The following BBS1 variants were observed in gnomAD, a reference collection of about 807,000 sequenced individuals.
BBS1 encodes the protein BBSome complex member BBS1.
BBS1 carries 60 observed loss-of-function variants against 73.9 expected under a neutral mutation model. The observed-to-expected ratio is 0.81, with a 90% confidence interval of 0.66 to 1.01. BBS1 has a LOEUF of 1.01. Among genes scored for constraint, BBS1 ranks in the 50% least tolerant of loss-of-function variants. The pLI is 0.00. For missense variants in BBS1, 718 were observed against 770.3 expected, an observed-to-expected ratio of 0.93 and a Z score of 0.80; for synonymous variants, 283 against 317.4, an observed-to-expected ratio of 0.89 and a Z score of 1.15.
Position 66,521,275 on chromosome 11 carries a change from C to T in BBS1, c.729C>T (p.Ser243=). ...PEAFTILAKM[S]LPSVPVFLEV... is the part of the protein sequence containing the mutation. ...TTTGCGCTTCTTGTTTGCAGATGAG[C>T]CTTCCCAGCGTCCCCGTCTTCCTAG... The change falls in exon 9 of 17, where the codon AGC becomes AGT. Residue 243 remains serine, a synonymous_variant. Transcript: ENST00000318312. 1.9e-6 allele frequency: 3 copies of T among 1,613,898 alleles called. No homozygotes were observed. The highest frequency in any genetic ancestry group is 2.5e-6 in the Non-Finnish European group (3 of 1,179,802).
intron 16 of BBS1, 23 bp downstream of exon 16, chr11:66,531,765 G>A (rs371550398): frequency 5.6e-6 from 9 of 1,613,874 alleles, no homozygotes; most frequent in Admixed American, 3.3e-5. Flanking sequence ...CTTGTACCAC[G>A]TGGAAGGTGA....
chr11:66,519,625 C>T lies in BBS1; in HGVS notation c.600C>T (p.Ile200=), dbSNP rs572209397. The change falls in exon 8 of 17, where the codon ATC becomes ATT. Residue 200 remains isoleucine (I), a synonymous_variant. Transcript: ENST00000318312. ...KSNSIKRQTV[I]TTMTTLKKNL... ...CTGGAGTCCTTCTGTAGACAGTCAT[C>T]ACCACCATGACCACCTTGAAGAAGA... 1 of 1,613,766 alleles carries T rather than the reference C, an allele frequency of 6.2e-7. No individual in the cohort carries two copies. Among genetic ancestry groups the T allele is most frequent in the African/African-American group, 1.3e-5 (1 of 75,004 alleles).
At chr11:66,511,563 G>T (rs2134766560) in intron 3 of BBS1, among the ~76,000 whole-genome samples, 1 of 152,208 alleles carries the variant, frequency 6.6e-6, no homozygotes, top group East Asian at 1.9e-4. Context: ...AAGTAAAAAG[G>T]AGGGAAGTGA....
chr11:66,528,993 A>G, intron 13 of BBS1: 2 of 688,680 alleles, frequency 2.9e-6, no homozygotes, highest in Non-Finnish European at 3.6e-6. Flanking sequence ...AAAAAAAGGA[A>G]GAAAATCAGA....
chr11:66,523,602 C>T (rs1431334035), intron 10 of BBS1, 26 bp downstream of exon 10: 1 of 1,613,784 alleles, frequency 6.2e-7, no homozygotes, highest in African/African-American at 1.3e-5. Context: ...AGCAGCAGCC[C>T]CTCCACGCCT....
chr11:66,514,272 C>T (rs1224301394), intron 3 of BBS1, 134 bp from the exon 4 acceptor site: 2 of 1,209,886 alleles, frequency 1.7e-6, no homozygotes, highest in Non-Finnish European at 2.4e-6. Flanking sequence ...CAAGGTCAGG[C>T]AGCTTGAAAG....
chr11:66,531,665 CT>C lies in BBS1; in HGVS notation c.1619del (p.Leu540ArgfsTer39). The C allele has an allele frequency of 6.2e-7, 1 of 1,614,136 alleles. No individual in the cohort carries two copies. On this transcript the variant is annotated frameshift_variant, in exon 16 of 17. Transcript: ENST00000318312. LOFTEE classifies it high-confidence loss of function. ...TTGTCCCCAAACTTAGGTACCCTTG[CT>C]GGTGCCAGGGCTCAACTACCCCCTG... Reference protein sequence around the residue: ...LPRAFFKVPLLVPGLNYPLET... With the variant: ...LPRAFFKVPLXVPGLNYPLET...
In BBS1 at chr11:66,512,921, G is replaced by T. The variant is rs532437261; in HGVS notation, c.160-1485G>T. 1.2e-4 allele frequency among the ~76,000 whole-genome samples: 18 copies of T among 151,722 alleles called. No individual in the cohort carries two copies. In the South Asian group the frequency reaches 3.5e-3, roughly 30 times the overall value. On this transcript the variant is annotated intron_variant, in intron 3 of 16. Coordinates refer to ENST00000318312, the MANE Select transcript of BBS1 (RefSeq NM_024649.5). ...CAGAAGGCGGAGGTTGCAGTGAGCC[G>T]AAATCACGCCATCGCACTTCAGCCT...
chr11:66,531,439 C>T (rs2134839462), intron 15 of BBS1, among the ~76,000 whole-genome samples: 1 of 152,278 alleles, frequency 6.6e-6, no homozygotes, highest in South Asian at 2.1e-4. Flanking sequence ...CAGCCCCAGA[C>T]TTGGTGGGAG....
chr11:66,520,805 C>T, intron 8 of BBS1: 1 of 249,974 alleles, frequency 4.0e-6, no homozygotes, highest in Admixed American at 5.1e-5. Context: ...ACAATCTCAG[C>T]TTACTGCAAC....
chr11:66,530,863 T>A (rs1308786326), intron 14 of BBS1, 31 bp from the exon 15 acceptor site: 5 of 1,614,078 alleles, frequency 3.1e-6, no homozygotes, highest in Non-Finnish European at 4.2e-6. Context: ...TGCCAGGTCC[T>A]AAGGGCTTTC....
intron 9 of BBS1, 60 bp from the exon 10 acceptor site, chr11:66,523,396 T>C: frequency 6.2e-7 from 1 of 1,613,188 alleles, no homozygotes; most frequent in Non-Finnish European, 8.5e-7. Context: ...CAGAGGAGGG[T>C]CAGCCATAGA....
In BBS1 at chr11:66,514,787, A is replaced by G. The variant is rs1242993909; in HGVS notation, c.432+109A>G. On this transcript the variant is annotated intron_variant, in intron 4 of 16. Transcript: ENST00000318312. Reference sequence around the variant, plus strand: ...GTGGGCTGGTGGCAGGAGGTCAGCTATAGTCCATCTCTGACAGCAGCAGTG... The same window carrying G: ...GTGGGCTGGTGGCAGGAGGTCAGCTGTAGTCCATCTCTGACAGCAGCAGTG... 1.1e-5 allele frequency: 14 copies of G among 1,307,930 alleles called. No homozygotes were observed. The East Asian group carries it at 2.6e-4, about 24-fold the overall frequency. 81.0% of individuals were successfully genotyped at this position (1,307,930 alleles called of 1,614,324 possible). A position where few individuals can be genotyped will look rare whatever the true frequency, so the allele number is the denominator to read the frequency against.
chr11:66,526,668 G>C lies in BBS1; in HGVS notation c.1200G>C (p.Lys400Asn), dbSNP rs761389294. 1 of 1,614,222 alleles carries C rather than the reference G, an allele frequency of 6.2e-7. No individual in the cohort carries two copies. Among genetic ancestry groups the C allele is most frequent in the Non-Finnish European group, 8.5e-7 (1 of 1,180,040 alleles). ...MTTRGGGLII[K>N]ILKRTAVFVE... ...CCCTAGGTGGTGGCCTGATCATCAA[G>C]ATCCTGAAGCGTACAGCAGTGTTTG... is the stretch of plus-strand genomic sequence containing the variant. Residue 400 changes from lysine to asparagine, a missense_variant, in exon 13 of 17, where the codon AAG becomes AAC. Physicochemically the swap from Lys to Asn is moderately conservative, Grantham distance 94. Transcript: ENST00000318312.
At chr11:66,520,650 T>G (rs1400528040) in intron 8 of BBS1, 1 of 162,484 alleles carries the variant, frequency 6.2e-6, no homozygotes, top group Non-Finnish European at 1.4e-5. Context: ...TTATTTACCC[T>G]GTCACCTATT....
chr11:66,529,691 G>A (rs530843984), intron 13 of BBS1, 128 bp from the exon 14 acceptor site: 5 of 1,225,754 alleles, frequency 4.1e-6, no homozygotes, highest in Non-Finnish European at 5.9e-6. Context: ...CCCAGCTCCT[G>A]CAGACTCCTC....
chr11:66,513,724 G>A (rs1296916362), intron 3 of BBS1, among the ~76,000 whole-genome samples: 2 of 152,188 alleles, frequency 1.3e-5, no homozygotes, highest in Non-Finnish European at 2.9e-5. Flanking sequence ...AACGATGCAT[G>A]CAGTTTCTGA....
Position 66,532,345 on chromosome 11 carries a change from A to G in BBS1, c.*308A>G, listed in dbSNP as rs1245209800. 1.2e-5 allele frequency: 5 copies of G among 429,318 alleles called. No individual in the cohort carries two copies. Among genetic ancestry groups the G allele is most frequent in the African/African-American group, 2.0e-5 (1 of 50,230 alleles). 26.6% of individuals were successfully genotyped at this position (429,318 alleles called of 1,614,324 possible). A position where few individuals can be genotyped will look rare whatever the true frequency, so the allele number is the denominator to read the frequency against. ...TCAGATCAGAGCTCCGAAGCGGTCA[A>G]AGTGAGCTGAGCAGGACAGGCCCAG... On this transcript the variant is annotated 3_prime_UTR_variant, in exon 17 of 17. Coordinates refer to ENST00000318312, the MANE Select transcript of BBS1 (RefSeq NM_024649.5).
In BBS1 at chr11:66,531,665, C is replaced by T; in HGVS notation, c.1618C>T (p.Leu540=). Residue 540 remains leucine (L), a synonymous_variant, in exon 16 of 17, where the codon CTG becomes TTG. Coordinates refer to ENST00000318312, the MANE Select transcript of BBS1 (RefSeq NM_024649.5). The part of the protein sequence containing the change: ...LPRAFFKVPL[L]VPGLNYPLET... The stretch of plus-strand genomic sequence containing the variant: ...TTGTCCCCAAACTTAGGTACCCTTG[C>T]TGGTGCCAGGGCTCAACTACCCCCT... 6.2e-7 allele frequency: 1 copy of T among 1,614,136 alleles called. No homozygotes were observed. The highest frequency in any genetic ancestry group is 8.5e-7 in the Non-Finnish European group (1 of 1,180,018).
Sources: gnomAD v4.1 joint callset for allele counts (sites outside exome capture counted in the v4.1 genomes callset) on GRCh38, gnomAD v4.1.1 for gene constraint, MANE v1.5 for transcripts, NCBI Gene and HGNC (gene_info 2026-07-23, HGNC 2026-07-21) for gene names.